The following ACSF3 variants were observed in gnomAD, a reference collection of about 807,000 sequenced individuals.
The protein encoded by ACSF3 is acyl-CoA synthetase family member 3.
In ACSF3, 78 loss-of-function variants were observed where a neutral mutation model predicts 53.2. That is an observed-to-expected ratio of 1.47 (90% confidence interval 1.22 to 1.77). The LOEUF is 1.77. ACSF3 is among the 40% of genes most tolerant of loss of function. The pLI, the probability that ACSF3 is intolerant of heterozygous loss-of-function variation, is 0.00. For synonymous variants in ACSF3, 414 were observed against 333.1 expected (o/e 1.24, Z -2.65); for missense variants, 937 against 771.1 (o/e 1.22, Z -2.55).
Position 89,146,043 on chromosome 16 carries a change from G to A in ACSF3, c.1607G>A (p.Trp536Ter), listed in dbSNP as rs779820462. 4 of 1,605,860 alleles carry A rather than the reference G, an allele frequency of 2.5e-6. No homozygotes were observed. The highest frequency in any genetic ancestry group is 3.4e-6 in the Non-Finnish European group (4 of 1,173,030). Residue 536 changes from tryptophan (W) to a stop codon, truncating the protein, a stop_gained, in exon 10 of 11, where the codon TGG (tryptophan) becomes TAG (stop). Coordinates refer to ENST00000614302, the MANE Select transcript of ACSF3 (RefSeq NM_001243279.3). LOFTEE classifies it high-confidence loss of function. ...HSLSHRELKE[W>*]ARNVLAPYAV... ...CTGTCCCACAGGGAGCTCAAAGAGT[G>A]GGCCAGGTAGGGCTGGGTGGGGCGG...
rs758875975 is a variant in ACSF3, at chr16:89,145,941, T to G, written c.1505T>G (p.Val502Gly). The G allele has an allele frequency of 6.2e-7, 1 of 1,613,368 alleles. No individual in the cohort carries two copies. The highest frequency in any genetic ancestry group is 1.3e-5 in the African/African-American group (1 of 74,986). ...HLLAHPSITD[V>G]AVIGVPDMTW... ...CAAACTGTTCTTCTATCCGCAGATG[T>G]GGCTGTGATTGGAGTTCCGGATATG... is the stretch of plus-strand genomic sequence containing the variant. Residue 502 changes from valine to glycine, a missense_variant, in exon 10 of 11, where the codon GTG becomes GGG. Physicochemically the swap from Val to Gly is moderately radical, Grantham distance 109. Coordinates refer to ENST00000614302, the MANE Select transcript of ACSF3 (RefSeq NM_001243279.3).
At chr16:89,145,486 C>T (rs1249544660) in intron 9 of ACSF3, 85 bp downstream of exon 9, 37 of 1,520,066 alleles carry the variant, frequency 2.4e-5, no homozygotes, top group Admixed American at 1.6e-4. Flanking sequence ...GCAGATGAGT[C>T]GACGCCGTCC....
intron 3 of ACSF3, 24 bp from the exon 4 acceptor site, chr16:89,102,580 C>G (rs758951320): frequency 1.9e-6 from 3 of 1,612,892 alleles, no homozygotes; most frequent in Non-Finnish European, 1.7e-6. Context: ...CTCTTGCTCT[C>G]AGCTGTGCTC....
At chr16:89,151,002 C>A in intron 10 of ACSF3, 1 of 1,285,352 alleles carries the variant, frequency 7.8e-7, no homozygotes, top group Non-Finnish European at 1.0e-6. Flanking sequence ...TCAAATTTCC[C>A]CAAACCAAAG....
rs550710102 is a variant in ACSF3, at chr16:89,102,437, T to C, written c.667-167T>C. On this transcript the variant is annotated intron_variant, in intron 3 of 10. Transcript: ENST00000614302. The stretch of plus-strand genomic sequence containing the variant: ...ACCCAGCAGATCTGCTGTGGTTTTG[T>C]CGTCATCTTGAGAGGCTGCTAAAGG... 9.3e-6 allele frequency: 7 copies of C among 754,412 alleles called. No homozygotes were observed. The African/African-American group carries it at 1.2e-4, about 13-fold the overall frequency. The allele number at this position is 754,412 out of a possible 1,614,324, so 46.7% of individuals were successfully genotyped here.
intron 7 of ACSF3, 98 bp from the exon 8 acceptor site, chr16:89,133,038 G>C (rs997895144): frequency 1.7e-5 from 27 of 1,555,954 alleles, no homozygotes; most frequent in Non-Finnish European, 2.3e-5. Context: ...GGCCCTGGGT[G>C]GGCCCTGGGT....
chr16:89,104,927 T>C (rs1975783837), intron 4 of ACSF3, among the ~76,000 whole-genome samples: 1 of 152,194 alleles, frequency 6.6e-6, no homozygotes, highest in African/African-American at 2.4e-5. Flanking sequence ...CTCTTTAAAA[T>C]CTAGCAGTTA....
chr16:89,154,752 C>T lies in ACSF3; in HGVS notation c.*545C>T, dbSNP rs1414535217. On this transcript the variant is annotated 3_prime_UTR_variant, in exon 11 of 11. Transcript: ENST00000614302. ...CCTGTCCCATGGGTTCCGTGCATTT[C>T]CTGGTGCTGCTCTTGGAGGAGAGCA... 4 of 454,038 alleles carry T rather than the reference C, an allele frequency of 8.8e-6. No homozygotes were observed. The highest frequency in any genetic ancestry group is 1.8e-5 in the Non-Finnish European group (4 of 226,804). 28.1% of individuals were successfully genotyped at this position (454,038 alleles called of 1,614,324 possible).
intron 1 of ACSF3, among the ~76,000 whole-genome samples, chr16:89,095,685 G>C (rs1476633224): frequency 6.6e-6 from 1 of 152,236 alleles, no homozygotes; most frequent in South Asian, 2.1e-4. Context: ...TTGAATGCGA[G>C]TGTCATTCTC....
chr16:89,145,321 T>G lies in ACSF3; in HGVS notation c.1421T>G (p.Val474Gly). ...TACTGGATCCGAGGCCGGACCTCAG[T>G]GGACATCATCAAGACTGGAGGCTAC... Reference protein sequence around the residue: ...GQYWIRGRTSVDIIKTGGYKV... With the variant: ...GQYWIRGRTSGDIIKTGGYKV... Residue 474 changes from valine (V) to glycine (G), a missense_variant, in exon 9 of 11, where the codon GTG (valine) becomes GGG (glycine). Coordinates refer to ENST00000614302, the MANE Select transcript of ACSF3 (RefSeq NM_001243279.3). 1 of 1,613,988 alleles carries G rather than the reference T, an allele frequency of 6.2e-7. No homozygotes were observed. The highest frequency in any genetic ancestry group is 2.2e-5 in the East Asian group (1 of 44,888).
chr16:89,151,610 TA>T (rs67630818), intron 10 of ACSF3: 47,631 of 162,724 alleles, frequency 0.29, 6,427 homozygotes, highest in African/African-American at 0.3. Flanking sequence ...ATTCACCATA[TA>T]TTTTTTTTTT....
intron 2 of ACSF3, among the ~76,000 whole-genome samples, chr16:89,099,206 G>T (rs906739112): frequency 6.6e-6 from 1 of 152,268 alleles, no homozygotes; most frequent in Non-Finnish European, 1.5e-5. Flanking sequence ...GCGGTGTCCC[G>T]TGGGCAGTGT....
intron 10 of ACSF3, 100 bp from the exon 11 acceptor site, chr16:89,153,990 G>T (rs1327097997): frequency 5.5e-6 from 7 of 1,265,976 alleles, no homozygotes; most frequent in Non-Finnish European, 7.8e-6. Flanking sequence ...TGGCAAGGCT[G>T]CAGGGTCCCA....
At position 89,098,733 on chromosome 16, in the gene ACSF3, C is replaced by T. The variant is rs529807641; in HGVS notation, c.-51C>T. On this transcript the variant is annotated 5_prime_UTR_variant, in exon 2 of 11. Coordinates refer to ENST00000614302, the MANE Select transcript of ACSF3 (RefSeq NM_001243279.3). ...CCGCTCTTGTGAACTGCGAACTTCC[C>T]CTTACCTCCTCTCTCTGGCTCGGGA... The T allele has an allele frequency of 4.4e-6, 2 of 454,168 alleles. No individual in the cohort carries two copies. The highest frequency in any genetic ancestry group is 4.7e-5 in the Admixed American group (2 of 42,580). 28.1% of individuals were successfully genotyped at this position (454,168 alleles called of 1,614,324 possible). A position where few individuals can be genotyped will look rare whatever the true frequency, so the allele number is the denominator to read the frequency against.
chr16:89,151,609 A>AT (rs1447156910), intron 10 of ACSF3: 14 of 148,378 alleles, frequency 9.4e-5, no homozygotes, highest in African/African-American at 1.2e-4. Context: ...AATTCACCAT[A>AT]TATTTTTTTT....
At chr16:89,125,975 C>T (rs116830388) in intron 7 of ACSF3, among the ~76,000 whole-genome samples, 169 of 152,106 alleles carry the variant, frequency 1.1e-3, no homozygotes, top group African/African-American at 3.9e-3. Context: ...TACTTAGATC[C>T]GCAAACACGG....
chr16:89,141,065 A>G lies in ACSF3; in HGVS notation c.1367-4202A>G, dbSNP rs142323975. 1.6e-3 allele frequency: 2,085 copies of G among 1,268,290 alleles called. 32 individuals carry two copies. The African/African-American group carries it at 0.03, about 18-fold the overall frequency. The allele number at this position is 1,268,290 out of a possible 1,614,324, so 78.6% of individuals were successfully genotyped here. A position where few individuals can be genotyped will look rare whatever the true frequency, so the allele number is the denominator to read the frequency against. The stretch of plus-strand genomic sequence containing the variant: ...TTAACTTGTTTGACTTGCATTTCAC[A>G]GTGATCGCAAGTTGCCCTGGAGCCC... On this transcript the variant is annotated intron_variant, in intron 8 of 10. Coordinates refer to ENST00000614302, the MANE Select transcript of ACSF3 (RefSeq NM_001243279.3).
chr16:89,133,043 C>G (rs1303513701), intron 7 of ACSF3, 93 bp from the exon 8 acceptor site: 5 of 1,583,902 alleles, frequency 3.2e-6, no homozygotes, highest in Non-Finnish European at 4.3e-6. Flanking sequence ...TGGGTGGGCC[C>G]TGGGTGGGCA....
At chr16:89,124,424 G>T (rs570086080) in intron 7 of ACSF3, among the ~76,000 whole-genome samples, 2 of 149,564 alleles carry the variant, frequency 1.3e-5, no homozygotes, top group Admixed American at 1.3e-4. Context: ...ACCCGTGCGT[G>T]CACTGTGCGT....
Sources: gnomAD v4.1 joint callset for allele counts (sites outside exome capture counted in the v4.1 genomes callset) on GRCh38, gnomAD v4.1.1 for gene constraint, MANE v1.5 for transcripts, NCBI Gene and HGNC (gene_info 2026-07-23, HGNC 2026-07-21) for gene names.